Variants in RSF1 observed in about 807,000 individuals in gnomAD.
RSF1 encodes HBV pX-associated protein 8.
In RSF1, 13 loss-of-function variants were observed where a neutral mutation model predicts 145.2. The ratio of observed to expected loss-of-function variants is 0.09; its 90% CI spans 0.06 to 0.14. The LOEUF (loss-of-function observed/expected upper bound fraction) is 0.14. RSF1 is among the 10% of genes least tolerant of loss of function. RSF1 has a pLI of 1.00. For missense variants in RSF1, 1,517 were observed against 1,718.2 expected (o/e 0.88, Z 2.07); for synonymous variants, 577 against 592.6 (o/e 0.97, Z 0.38).
intron 3 of RSF1, among the ~76,000 whole-genome samples, chr11:77,742,067 C>G (rs57935035): frequency 0.18 from 27,681 of 152,120 alleles, 3,230 homozygotes; most frequent in African/African-American, 0.31. Context: ...TTAGAATGAT[C>G]CTGTATCTTG....
At chr11:77,778,329 G>A (rs143489651) in intron 1 of RSF1, among the ~76,000 whole-genome samples, 106 of 151,270 alleles carry the variant, frequency 7.0e-4, no homozygotes, top group South Asian at 6.3e-3. Context: ...TGTTCCTAGC[G>A]GTGTTTTACT....
At position 77,667,250 on chromosome 11, in the gene RSF1, G is replaced by C. The variant is rs1471803934; in HGVS notation, c.3993C>G (p.Pro1331=). The C allele has an allele frequency of 1.2e-6, 2 of 1,614,166 alleles. No individual in the cohort carries two copies. The highest frequency in any genetic ancestry group is 1.1e-5 in the South Asian group (1 of 91,084). Residue 1331 remains proline (P), a synonymous_variant, in exon 16 of 16, where the codon CCC becomes CCG. Coordinates refer to ENST00000308488, the MANE Select transcript of RSF1 (RefSeq NM_016578.4). ...GCTTCTTGGTGCTCTCTTGTTCTGA[G>C]GGCAGGACCCTAGGCTGGCTGTCAC... ...PARDSQPRVL[P]SEQESTKKPY... is the part of the protein sequence containing the mutation.
At chr11:77,726,410 C>T (rs751650436) in intron 4 of RSF1, among the ~76,000 whole-genome samples, 8 of 152,176 alleles carry the variant, frequency 5.3e-5, no homozygotes, top group African/African-American at 1.9e-4. Flanking sequence ...TCAAGACCCT[C>T]CTACCTCAGC....
At chr11:77,757,326 G>A (rs1334614496) in intron 2 of RSF1, among the ~76,000 whole-genome samples, 1 of 152,200 alleles carries the variant, frequency 6.6e-6, no homozygotes, top group East Asian at 1.9e-4. Context: ...GCAGGTCTGT[G>A]AAAGTGGGTC....
At chr11:77,848,522 T>C in the RSF1 span, among the ~76,000 whole-genome samples, 1 of 152,092 alleles carries the variant, frequency 6.6e-6, no homozygotes, top group African/African-American at 2.4e-5. Flanking sequence ...CTCACTTGGC[T>C]AATTTTTTTG....
intron 11 of RSF1, among the ~76,000 whole-genome samples, chr11:77,678,503 G>A (rs995348573): frequency 1.3e-5 from 2 of 152,090 alleles, no homozygotes; most frequent in East Asian, 1.9e-4. Context: ...GTGAGCCACC[G>A]CACCCAGCTG....
intron 1 of RSF1, chr11:77,813,529 C>A: frequency 1.3e-6 from 1 of 751,172 alleles, no homozygotes; most frequent in South Asian, 1.4e-5. Context: ...GGTCCTTTCA[C>A]TTGGAGATTC....
At chr11:77,674,624 T>C (rs1264014028) in intron 14 of RSF1, among the ~76,000 whole-genome samples, 2 of 152,246 alleles carry the variant, frequency 1.3e-5, no homozygotes, top group Non-Finnish European at 2.9e-5. Context: ...TTTTCTCAGA[T>C]GTGCTTTCTA....
rs1565171780 is a variant in RSF1 at position 77,757,839 on chromosome 11, G to A, written c.279+6759C>T. On this transcript the variant is annotated intron_variant, in intron 2 of 15. Coordinates refer to ENST00000308488, the MANE Select transcript of RSF1 (RefSeq NM_016578.4). Reference sequence around the variant, plus strand: ...CTACGCTGTGGCAGAGGATATTCAAGAGAAGTCAGATTCAGGCTAAGCGTG... The same window carrying A: ...CTACGCTGTGGCAGAGGATATTCAAAAGAAGTCAGATTCAGGCTAAGCGTG... Among the ~76,000 whole-genome samples the A allele has an allele frequency of 3.3e-5, 5 of 152,222 alleles. No individual in the cohort carries two copies. The South Asian group carries it at 1.0e-3, about 32-fold the overall frequency.
intron 11 of RSF1, among the ~76,000 whole-genome samples, chr11:77,682,647 T>C (rs1468871629): frequency 2.6e-5 from 4 of 152,200 alleles, no homozygotes; most frequent in African/African-American, 9.6e-5. Context: ...GTCAGCACTA[T>C]GCTAGGTATA....
intron 6 of RSF1, among the ~76,000 whole-genome samples, chr11:77,700,186 A>T (rs1435736756): frequency 6.6e-6 from 1 of 151,898 alleles, no homozygotes; most frequent in Admixed American, 6.6e-5. Context: ...ACCCACCTCT[A>T]TTAAAAATAC....
chr11:77,701,420 C>T lies in RSF1; in HGVS notation c.1809G>A (p.Leu603=), dbSNP rs1299243359. ...KTFLDKDAQR[L]SPIPEEVPKS... ...TTGGAACTTCTTCTGGTATTGGACTCAATCTTTGTGCGTCCTTATCAAGAA... is the reference window on the plus strand; with the variant it reads ...TTGGAACTTCTTCTGGTATTGGACTTAATCTTTGTGCGTCCTTATCAAGAA... The change falls in exon 6 of 16, where the codon TTG becomes TTA. Residue 603 remains leucine, a synonymous_variant. Transcript: ENST00000308488. The T allele has an allele frequency of 2.5e-6, 4 of 1,614,000 alleles. No homozygotes were observed. The highest frequency in any genetic ancestry group is 1.1e-5 in the South Asian group (1 of 91,078).
chr11:77,771,646 C>A (rs541247339), intron 1 of RSF1, among the ~76,000 whole-genome samples: 1 of 152,146 alleles, frequency 6.6e-6, no homozygotes, highest in Non-Finnish European at 1.5e-5. Flanking sequence ...ATCTAGGCGG[C>A]AGGAAGCAGA....
At chr11:77,735,787 T>A (rs1178481312) in intron 4 of RSF1, among the ~76,000 whole-genome samples, 1 of 152,232 alleles carries the variant, frequency 6.6e-6, no homozygotes, top group Non-Finnish European at 1.5e-5. Context: ...GTCGCCAGGC[T>A]GGAGTGCAGT....
At chr11:77,819,010 A>AT (rs1948808854) in intron 1 of RSF1, among the ~76,000 whole-genome samples, 1 of 152,200 alleles carries the variant, frequency 6.6e-6, no homozygotes, top group Non-Finnish European at 1.5e-5. Context: ...TTATATTATA[A>AT]CTGCTGTATT....
At chr11:77,856,448 C>A in the RSF1 span, among the ~76,000 whole-genome samples, 1 of 152,174 alleles carries the variant, frequency 6.6e-6, no homozygotes, top group Non-Finnish European at 1.5e-5. Context: ...GCTGCTTCCA[C>A]ATTTTTTAGT....
chr11:77,773,946 T>A lies in RSF1; in HGVS notation c.188-9257A>T, dbSNP rs1017620397. 3.4e-4 allele frequency among the ~76,000 whole-genome samples: 51 copies of A among 152,198 alleles called. 1 individual carries two copies. The highest frequency in any genetic ancestry group is 2.0e-4 in the Admixed American group (3 of 15,282). On this transcript the variant is annotated intron_variant, in intron 1 of 15. Coordinates refer to ENST00000308488, the MANE Select transcript of RSF1 (RefSeq NM_016578.4). ...AGTGTAGTATCGGTTCTTATCAGTG[T>A]AATATCGACAACAACAACAAAAAAG...
At chr11:77,811,805 G>A (rs1318001071) in intron 1 of RSF1, among the ~76,000 whole-genome samples, 1 of 152,192 alleles carries the variant, frequency 6.6e-6, no homozygotes, top group Non-Finnish European at 1.5e-5. Context: ...GGTCTAGGAT[G>A]CCTCCTTGGT....
At chr11:77,854,175 G>T in the RSF1 span, among the ~76,000 whole-genome samples, 1 of 151,764 alleles carries the variant, frequency 6.6e-6, no homozygotes, top group African/African-American at 2.4e-5. Flanking sequence ...TGTATTTGTA[G>T]TAGAGACGGG....
Sources: allele counts gnomAD v4.1 joint callset (sites outside exome capture counted in the v4.1 genomes callset), GRCh38; gene constraint gnomAD v4.1.1; transcripts MANE v1.5; gene names NCBI Gene and HGNC (gene_info 2026-07-23, HGNC 2026-07-21).